The following PTPRM variants were observed in gnomAD, a reference collection of about 807,000 sequenced individuals.
The protein encoded by PTPRM is receptor-type tyrosine-protein phosphatase mu.
PTPRM carries 47 observed loss-of-function variants against 186.7 expected under a neutral mutation model. The observed-to-expected ratio is 0.25, with a 90% CI of 0.20 to 0.32. The LOEUF is 0.32. PTPRM is among the 10% of genes least tolerant of loss of function. The probability of loss-of-function intolerance (pLI) is 1.00; values close to 1 mark genes in which losing one functional copy is unlikely to be tolerated. For missense variants in PTPRM, 1,494 were observed against 1,865.0 expected (o/e 0.80, Z 3.66); for synonymous variants, 668 against 674.9 (o/e 0.99, Z 0.16).
At chr18:8,141,383 C>T (rs546873097) in intron 13 of PTPRM, among the ~76,000 whole-genome samples, 17 of 152,176 alleles carry the variant, frequency 1.1e-4, no homozygotes, top group Admixed American at 1.1e-3. Context: ...ACATTTCATT[C>T]CCTTGACCTG....
rs763369338 is a variant in PTPRM at position 8,244,091 on chromosome 18, C to G, written c.2334C>G (p.Ser778Arg). The change falls in exon 15 of 33, where the codon AGC (serine) becomes AGG (arginine). Residue 778 changes from serine (S) to arginine (R), a missense_variant. This residue lies in a region of PTPRM where 1,107 missense variants were observed against 1,350.2 expected (regional missense o/e 0.82). Coordinates refer to ENST00000580170, the MANE Select transcript of PTPRM (RefSeq NM_001105244.2). Reference protein sequence around the residue: ...KLAKKRKETMSSTRQEMTVMV... With the variant: ...KLAKKRKETMRSTRQEMTVMV... ...CCAAGAAGCGGAAAGAGACCATGAG[C>G]AGCACCCGACAGGAGATGACTGTGA... 11 of 1,609,268 alleles carry G rather than the reference C, an allele frequency of 6.8e-6. No individual in the cohort carries two copies. The highest frequency in any genetic ancestry group is 1.3e-5 in the African/African-American group (1 of 74,526).
intron 2 of PTPRM, among the ~76,000 whole-genome samples, chr18:7,880,581 A>G (rs571451863): frequency 1.3e-5 from 2 of 152,306 alleles, no homozygotes; most frequent in East Asian, 3.9e-4. Flanking sequence ...TGCAGCTTGG[A>G]GACTGTGGTT....
intron 2 of PTPRM, among the ~76,000 whole-genome samples, chr18:7,836,459 A>G (rs2046055856): frequency 6.6e-6 from 1 of 151,996 alleles, no homozygotes; most frequent in Non-Finnish European, 1.5e-5. Context: ...TAGTTTTTTT[A>G]TTGGTTCATT....
chr18:7,870,865 C>T (rs1479841750), intron 2 of PTPRM, among the ~76,000 whole-genome samples: 1 of 152,040 alleles, frequency 6.6e-6, no homozygotes, highest in Admixed American at 6.6e-5. Flanking sequence ...AGAAAAGAAC[C>T]GTCTCTCTGG....
intron 7 of PTPRM, among the ~76,000 whole-genome samples, chr18:8,029,400 G>A (rs902343128): frequency 1.4e-5 from 2 of 142,382 alleles, no homozygotes; most frequent in African/African-American, 2.7e-5. Context: ...TGCCTGGAGT[G>A]CCCCTCCCCC....
intron 7 of PTPRM, among the ~76,000 whole-genome samples, chr18:8,041,563 T>C (rs2086693232): frequency 6.6e-6 from 1 of 152,230 alleles, no homozygotes; most frequent in African/African-American, 2.4e-5. Context: ...GCAGTGTGTT[T>C]GTGCAGCATT....
At chr18:8,007,848 A>G (rs1568174735) in intron 7 of PTPRM, among the ~76,000 whole-genome samples, 1 of 152,058 alleles carries the variant, frequency 6.6e-6, no homozygotes, top group Admixed American at 6.6e-5. Flanking sequence ...ATACATTGCA[A>G]TTGTTTCTGG....
chr18:8,042,790 T>C (rs536431314), intron 7 of PTPRM, among the ~76,000 whole-genome samples: 2 of 152,306 alleles, frequency 1.3e-5, no homozygotes, highest in African/African-American at 4.8e-5. Flanking sequence ...GTCTTTTTCC[T>C]GTCCCTTTTC....
chr18:8,370,134 T>C (rs964024855), intron 23 of PTPRM, among the ~76,000 whole-genome samples: 1 of 149,918 alleles, frequency 6.7e-6, no homozygotes, highest in African/African-American at 2.5e-5. Flanking sequence ...CACGTGTTCC[T>C]GCCCAGCCTC....
intron 1 of PTPRM, among the ~76,000 whole-genome samples, chr18:7,618,686 G>T (rs1338317076): frequency 6.6e-6 from 1 of 152,110 alleles, no homozygotes; most frequent in Non-Finnish European, 1.5e-5. Context: ...GATTTGTGAT[G>T]CCTTTTACTT....
chr18:7,758,216 T>C (rs2041600947), intron 1 of PTPRM, among the ~76,000 whole-genome samples: 1 of 152,204 alleles, frequency 6.6e-6, no homozygotes, highest in Non-Finnish European at 1.5e-5. Flanking sequence ...TACGCATTTG[T>C]CCTAGGGAGG....
chr18:8,010,189 T>C (rs2084437598), intron 7 of PTPRM, among the ~76,000 whole-genome samples: 1 of 152,172 alleles, frequency 6.6e-6, no homozygotes, highest in Admixed American at 6.5e-5. Context: ...CTTTTTAGGG[T>C]TGCTTTGTGA....
intron 32 of PTPRM, 143 bp downstream of exon 32, chr18:8,394,754 C>A (rs1423478006): frequency 2.3e-6 from 2 of 851,700 alleles, no homozygotes; most frequent in Non-Finnish European, 1.7e-6. Flanking sequence ...GCTTGTAGGG[C>A]TTTTTTCTTC....
chr18:8,147,978 A>G (rs774590363), intron 14 of PTPRM, among the ~76,000 whole-genome samples: 1 of 152,216 alleles, frequency 6.6e-6, no homozygotes, highest in African/African-American at 2.4e-5. Context: ...CCAGCCTTGC[A>G]TCCCAGGGAT....
chr18:7,652,700 C>T (rs1229628442), intron 1 of PTPRM, among the ~76,000 whole-genome samples: 1 of 134,580 alleles, frequency 7.4e-6, no homozygotes, highest in Non-Finnish European at 1.5e-5. Context: ...GGGAATTGAA[C>T]AGTGAGAACA....
chr18:7,660,988 A>AT (rs2038966528), intron 1 of PTPRM, among the ~76,000 whole-genome samples: 2 of 152,068 alleles, frequency 1.3e-5, no homozygotes, highest in Admixed American at 6.6e-5. Context: ...AAAGAAAAAA[A>AT]AAGCAAAGAA....
intron 22 of PTPRM, among the ~76,000 whole-genome samples, chr18:8,324,210 A>G (rs2095362290): frequency 6.6e-6 from 1 of 152,200 alleles, no homozygotes; most frequent in Non-Finnish European, 1.5e-5. Context: ...AATTTTTACT[A>G]ACTTTAACAA....
chr18:7,730,482 C>T (rs747091553), intron 1 of PTPRM, among the ~76,000 whole-genome samples: 2 of 152,108 alleles, frequency 1.3e-5, no homozygotes, highest in Non-Finnish European at 2.9e-5. Flanking sequence ...AACATAAATG[C>T]ACTGAATACA....
intron 1 of PTPRM, among the ~76,000 whole-genome samples, chr18:7,582,962 T>C (rs2036884692): frequency 6.6e-6 from 1 of 152,210 alleles, no homozygotes; most frequent in South Asian, 2.1e-4. Context: ...TCACATAGCT[T>C]CTCTAGTCCT....
Sources: gnomAD v4.1 joint callset for allele counts (sites outside exome capture counted in the v4.1 genomes callset) on GRCh38, gnomAD v4.1.1 for gene constraint, gnomAD v4.1.1 regional missense constraint, MANE v1.5 for transcripts, NCBI Gene and HGNC (gene_info 2026-07-23, HGNC 2026-07-21) for gene names.